CEP57L1: variants seen among roughly 807,000 people sequenced by gnomAD.
CEP57L1 encodes centrosomal protein CEP57L1.
In CEP57L1, 37 loss-of-function variants were observed where a neutral mutation model predicts 61.0. That is an observed-to-expected ratio of 0.61 (90% CI 0.47 to 0.80). The LOEUF (loss-of-function observed/expected upper bound fraction) is 0.80, where lower values mean the gene tolerates loss of function less well. CEP57L1 is among the 30% of genes least tolerant of loss of function. The pLI, the probability that CEP57L1 is intolerant of heterozygous loss-of-function variation, is 0.00. For missense variants in CEP57L1, 422 were observed against 524.7 expected (o/e 0.80, Z 1.91); for synonymous variants, 137 against 162.3 (o/e 0.84, Z 1.19).
chr6:109,132,639 G>GTA (rs1288149932), intron 1 of CEP57L1, among the ~76,000 whole-genome samples: 5 of 152,122 alleles, frequency 3.3e-5, no homozygotes, highest in African/African-American at 1.2e-4. Context: ...CTATCTGTAT[G>GTA]TATATATGTG....
At chr6:109,148,800 T>C (rs1321156063) in intron 3 of CEP57L1, among the ~76,000 whole-genome samples, 1 of 152,244 alleles carries the variant, frequency 6.6e-6, no homozygotes, top group East Asian at 1.9e-4. Flanking sequence ...GACTTTTTAA[T>C]GATTGCCATT....
At chr6:109,162,517 T>C (rs1034456730) in intron 10 of CEP57L1, among the ~76,000 whole-genome samples, 2 of 152,100 alleles carry the variant, frequency 1.3e-5, no homozygotes, top group South Asian at 2.1e-4. Context: ...TTTTCACTAA[T>C]AGGAGCAGTA....
chr6:109,129,539 A>T (rs1253455402), intron 1 of CEP57L1: 2 of 455,728 alleles, frequency 4.4e-6, no homozygotes, highest in Admixed American at 2.4e-5. Flanking sequence ...GTATTTGGGC[A>T]TATAATTTAC....
Position 109,168,858 on chromosome 6 carries a change from A to C in CEP57L1, c.*5888A>C, listed in dbSNP as rs968350694. 1.3e-5 allele frequency among the ~76,000 whole-genome samples: 2 copies of C among 149,504 alleles called. No individual in the cohort carries two copies. Among genetic ancestry groups the C allele is most frequent in the African/African-American group, 2.5e-5 (1 of 40,462 alleles). ...CAATCTGCCCGCCTCAGTGTCCCAA[A>C]GTGCTGGGATTACAGGCGTGAGCCA... is the stretch of plus-strand genomic sequence containing the variant. On this transcript the variant is annotated 3_prime_UTR_variant, in exon 11 of 11. Transcript: ENST00000517392.
intron 3 of CEP57L1, among the ~76,000 whole-genome samples, chr6:109,149,512 G>C (rs1182290554): frequency 1.3e-5 from 2 of 152,064 alleles, no homozygotes; most frequent in Non-Finnish European, 2.9e-5. Context: ...TGCTGTTTTG[G>C]TTACTGTAGC....
intron 3 of CEP57L1, among the ~76,000 whole-genome samples, chr6:109,148,452 C>T (rs1772213482): frequency 6.6e-6 from 1 of 152,166 alleles, no homozygotes; most frequent in East Asian, 1.9e-4. Context: ...ATGAACTCAT[C>T]CTTTTTTATG....
chr6:109,127,178 C>T (rs1263529786), intron 1 of CEP57L1, among the ~76,000 whole-genome samples: 1 of 151,650 alleles, frequency 6.6e-6, no homozygotes, highest in East Asian at 1.9e-4. Context: ...CAAAACAAAA[C>T]AAAAAAAACC....
At chr6:109,150,754 A>T (rs965879831) in intron 4 of CEP57L1, among the ~76,000 whole-genome samples, 3 of 152,130 alleles carry the variant, frequency 2.0e-5, no homozygotes, top group African/African-American at 7.2e-5. Flanking sequence ...TGACTTCTCA[A>T]CTCAAAGTAC....
intron 1 of CEP57L1, among the ~76,000 whole-genome samples, chr6:109,120,580 C>T (rs1030238307): frequency 1.1e-4 from 16 of 151,972 alleles, no homozygotes; most frequent in African/African-American, 3.9e-4. Context: ...AGTTTTGTTA[C>T]CTGTGGATAT....
intron 1 of CEP57L1, among the ~76,000 whole-genome samples, chr6:109,116,524 T>G (rs1772328385): frequency 6.6e-6 from 1 of 152,146 alleles, no homozygotes; most frequent in African/African-American, 2.4e-5. Flanking sequence ...GTAGACTAAT[T>G]GATATATATG....
chr6:109,145,644 AC>A (rs1771884423), intron 2 of CEP57L1, among the ~76,000 whole-genome samples: 1 of 151,962 alleles, frequency 6.6e-6, no homozygotes, highest in Admixed American at 6.6e-5. Flanking sequence ...ACAGGAAAAT[AC>A]TCTTTGAAGA....
chr6:109,122,483 T>C (rs1274969159), intron 1 of CEP57L1, among the ~76,000 whole-genome samples: 3 of 152,146 alleles, frequency 2.0e-5, no homozygotes, highest in African/African-American at 7.2e-5. Context: ...CATCTTATAA[T>C]TTATTGTGGC....
In CEP57L1 at chr6:109,095,591, TG is replaced by T; in HGVS notation, c.-4+19del. ...CGTCTGCTTGGTAAGCACTGTAAGC[TG>T]GGTTGTCACCTTTCCTTGACAGGGT... On this transcript the variant is annotated intron_variant, in intron 1 of 10. Transcript: ENST00000517392. 1.0e-6 allele frequency: 1 copy of T among 985,586 alleles called. No individual in the cohort carries two copies. The highest frequency in any genetic ancestry group is 1.2e-6 in the Non-Finnish European group (1 of 829,708). 61.1% of individuals were successfully genotyped at this position (985,586 alleles called of 1,614,324 possible).
At chr6:109,095,953 A>G (rs1467108827) in intron 1 of CEP57L1, among the ~76,000 whole-genome samples, 7 of 151,980 alleles carry the variant, frequency 4.6e-5, no homozygotes, top group Non-Finnish European at 8.8e-5. Flanking sequence ...TCTGGGCTTT[A>G]TTTGCTCAGT....
chr6:109,117,243 T>G (rs1453802987), intron 1 of CEP57L1, among the ~76,000 whole-genome samples: 1 of 152,220 alleles, frequency 6.6e-6, no homozygotes, highest in Non-Finnish European at 1.5e-5. Flanking sequence ...CATAAGAAGT[T>G]GTAGGCAATA....
At chr6:109,099,027 G>A (rs371597042) in intron 1 of CEP57L1, among the ~76,000 whole-genome samples, 1 of 152,098 alleles carries the variant, frequency 6.6e-6, no homozygotes, top group Non-Finnish European at 1.5e-5. Flanking sequence ...TTACTATTAT[G>A]GGAAAATCTG....
intron 1 of CEP57L1, among the ~76,000 whole-genome samples, chr6:109,102,987 A>T (rs1021904500): frequency 1.3e-5 from 2 of 152,184 alleles, no homozygotes; most frequent in Non-Finnish European, 2.9e-5. Context: ...AAGACTTTCT[A>T]CAATTAAGAA....
chr6:109,107,767 C>G (rs1771104829), intron 1 of CEP57L1, among the ~76,000 whole-genome samples: 1 of 151,556 alleles, frequency 6.6e-6, no homozygotes, highest in South Asian at 2.1e-4. Flanking sequence ...ATGGTGAAAC[C>G]CTGTCTCTAA....
chr6:109,126,588 A>G lies in CEP57L1; in HGVS notation c.-3-18631A>G, dbSNP rs756521119. Among the ~76,000 whole-genome samples, 144 of 152,172 alleles carry G rather than the reference A, an allele frequency of 9.5e-4. 2 individuals carry two copies. Among genetic ancestry groups the G allele is most frequent in the Non-Finnish European group, 2.4e-4 (16 of 68,016 alleles). On this transcript the variant is annotated intron_variant, in intron 1 of 10. Coordinates refer to ENST00000517392, the MANE Select transcript of CEP57L1 (RefSeq NM_001271852.3). ...ACATTTTCTCATGAACTGAATAGTCAAGATAAACTAAATCTTGGTAAAGAT... is the reference window on the plus strand; with the variant it reads ...ACATTTTCTCATGAACTGAATAGTCGAGATAAACTAAATCTTGGTAAAGAT...
Sources: gnomAD v4.1 joint callset for allele counts (sites outside exome capture counted in the v4.1 genomes callset) on GRCh38, gnomAD v4.1.1 for gene constraint, MANE v1.5 for transcripts, NCBI Gene and HGNC (gene_info 2026-07-23, HGNC 2026-07-21) for gene names.